Variants in C1GALT1 observed in about 807,000 individuals in gnomAD.
The protein encoded by C1GALT1 is core 1 synthase, glycoprotein-N-acetylgalactosamine 3-beta-galactosyltransferase 1, also known as glycoprotein-N-acetylgalactosamine 3-beta-galactosyltransferase 1.
C1GALT1 carries 11 observed loss-of-function variants against 31.0 expected under a neutral mutation model. The ratio of observed to expected loss-of-function variants is 0.36; its 90% CI spans 0.22 to 0.59. The LOEUF (loss-of-function observed/expected upper bound fraction) is 0.59, where lower values mean the gene tolerates loss of function less well. C1GALT1 is among the 20% of genes least tolerant of loss of function. The probability of loss-of-function intolerance (pLI) is 0.79; values close to 1 mark genes in which losing one functional copy is unlikely to be tolerated. For synonymous variants in C1GALT1, 175 were observed against 143.6 expected, an observed-to-expected ratio of 1.22 and a Z score of -1.56; for missense variants, 424 against 425.2, an observed-to-expected ratio of 1.00 and a Z score of 0.03.
intron 2 of C1GALT1, among the ~76,000 whole-genome samples, chr7:7,167,568 G>C (rs1360789805): frequency 6.6e-6 from 1 of 151,854 alleles, no homozygotes; most frequent in Admixed American, 6.6e-5. Context: ...ATGGAATTAT[G>C]TAAGTTTTTT....
At chr7:7,200,102 T>G (rs1583767380) in intron 1 of C1GALT1, among the ~76,000 whole-genome samples, 2 of 152,338 alleles carry the variant, frequency 1.3e-5, no homozygotes, top group East Asian at 3.9e-4. Flanking sequence ...GCTGGTTATT[T>G]TGCTCGTTAG....
intron 1 of C1GALT1, among the ~76,000 whole-genome samples, chr7:7,208,272 A>G (rs1029330912): frequency 1.3e-5 from 2 of 152,204 alleles, no homozygotes; most frequent in Admixed American, 6.5e-5. Flanking sequence ...GGGCACAAGA[A>G]TAGTGATGAT....
intron 1 of C1GALT1, among the ~76,000 whole-genome samples, chr7:7,203,766 T>C (rs1337864098): frequency 1.3e-5 from 2 of 152,108 alleles, no homozygotes; most frequent in Non-Finnish European, 2.9e-5. Flanking sequence ...GTACATATAA[T>C]GTATCAGGGT....
Position 7,226,099 on chromosome 7 carries a change from A to G in C1GALT1, c.-17-8204A>G, listed in dbSNP as rs571142038. 1.1e-4 allele frequency among the ~76,000 whole-genome samples: 16 copies of G among 152,318 alleles called. No homozygotes were observed. The South Asian group carries it at 3.3e-3, about 32-fold the overall frequency. ...ATCGAGTTTTCAGGTTGCTGTGAGCATCAGAAAAAAACATAAAAATTTCTA... is the reference window on the plus strand; with the variant it reads ...ATCGAGTTTTCAGGTTGCTGTGAGCGTCAGAAAAAAACATAAAAATTTCTA... On this transcript the variant is annotated intron_variant, in intron 1 of 3. Transcript: ENST00000436587.
chr7:7,197,307 C>T (rs1360556292), intron 1 of C1GALT1, among the ~76,000 whole-genome samples: 2 of 152,158 alleles, frequency 1.3e-5, no homozygotes, highest in African/African-American at 2.4e-5. Flanking sequence ...GAATCCTTTC[C>T]CCATTGCTTG....
intron 1 of C1GALT1, among the ~76,000 whole-genome samples, chr7:7,215,992 A>G (rs961926360): frequency 4.6e-5 from 7 of 151,096 alleles, no homozygotes; most frequent in African/African-American, 1.7e-4. Flanking sequence ...TTTTTTTTTT[A>G]ATTTTGGGGA....
At chr7:7,210,869 A>C (rs1271424382) in intron 1 of C1GALT1, among the ~76,000 whole-genome samples, 2 of 152,212 alleles carry the variant, frequency 1.3e-5, no homozygotes, top group Non-Finnish European at 2.9e-5. Context: ...TGGCTTTACA[A>C]GAAACTTTTC....
chr7:7,160,859 T>G (rs1404268837), intron 2 of C1GALT1, among the ~76,000 whole-genome samples: 1 of 152,026 alleles, frequency 6.6e-6, no homozygotes, highest in East Asian at 1.9e-4. Flanking sequence ...TCAAGAGGAC[T>G]TGGAACTATA....
chr7:7,173,692 A>T (rs528646530), intron 2 of C1GALT1, among the ~76,000 whole-genome samples: 53 of 152,282 alleles, frequency 3.5e-4, no homozygotes, highest in African/African-American at 1.2e-3. Flanking sequence ...ACTTAAGCTC[A>T]GGAGTTGAAG....
At chr7:7,157,847 C>G (rs374627174) in intron 2 of C1GALT1, among the ~76,000 whole-genome samples, 3 of 152,136 alleles carry the variant, frequency 2.0e-5, no homozygotes, top group African/African-American at 7.2e-5. Context: ...AATGAGATCT[C>G]TTTTCCTTTA....
intron 1 of C1GALT1, among the ~76,000 whole-genome samples, chr7:7,194,123 G>T (rs949028887): frequency 6.6e-6 from 1 of 152,032 alleles, no homozygotes; most frequent in African/African-American, 2.4e-5. Context: ...TCAGCAAACA[G>T]CAACAGTTCG....
chr7:7,200,380 C>T (rs1179465727), intron 1 of C1GALT1, among the ~76,000 whole-genome samples: 1 of 152,200 alleles, frequency 6.6e-6, no homozygotes, highest in Non-Finnish European at 1.5e-5. Flanking sequence ...TCACTCTCTT[C>T]TGGCTTGTAG....
At position 7,225,927 on chromosome 7, in the gene C1GALT1, G is replaced by GA. The variant is rs532418586; in HGVS notation, c.-17-8375dup. ...AAAGTTAATAGACAGCTATAGGTGC[G>GA]AGAGTGGTGTGTGGAAAAACTAGTG... On this transcript the variant is annotated intron_variant, in intron 1 of 3. Transcript: ENST00000436587. 1.1e-3 allele frequency among the ~76,000 whole-genome samples: 173 copies of GA among 152,280 alleles called. 2 individuals are homozygous for GA. The South Asian group carries it at 0.023, about 20-fold the overall frequency.
In C1GALT1 at chr7:7,217,678, T is replaced by C. The variant is rs6463660; in HGVS notation, c.-17-16625T>C. ...AACAGAAGCAGTTCTTTTGTTTTTA[T>C]GTATTTCCTTAAAGAAGCAAAGTCT... On this transcript the variant is annotated intron_variant, in intron 1 of 3. Transcript: ENST00000436587. 6.3e-3 allele frequency among the ~76,000 whole-genome samples: 953 copies of C among 152,358 alleles called. 12 individuals are homozygous for C. Among genetic ancestry groups the C allele is most frequent in the African/African-American group, 0.021 (889 of 41,576 alleles).
At chr7:7,227,442 C>T (rs1471801661) in intron 1 of C1GALT1, among the ~76,000 whole-genome samples, 1 of 152,116 alleles carries the variant, frequency 6.6e-6, no homozygotes, top group African/African-American at 2.4e-5. Context: ...AAGGGAAGGC[C>T]GGGCGCGGTG....
intron 1 of C1GALT1, among the ~76,000 whole-genome samples, chr7:7,201,216 T>A (rs1781517332): frequency 6.6e-6 from 1 of 152,212 alleles, no homozygotes; most frequent in Non-Finnish European, 1.5e-5. Context: ...TTGGTTTTCC[T>A]TCTAACAGTC....
In C1GALT1 at chr7:7,243,942, A is replaced by T; in HGVS notation, c.*215A>T. 1 of 315,912 alleles carries T rather than the reference A, an allele frequency of 3.2e-6. No individual in the cohort carries two copies. 19.6% of individuals were successfully genotyped at this position (315,912 alleles called of 1,614,324 possible). On this transcript the variant is annotated 3_prime_UTR_variant, in exon 4 of 4. Coordinates refer to ENST00000436587, the MANE Select transcript of C1GALT1 (RefSeq NM_020156.5). ...GATACAGTAATATATAAATATGTCT[A>T]TATATATGAGGAACTTGTGTTTTTT...
chr7:7,242,210 CTTT>C lies in C1GALT1; in HGVS notation c.889-1298_889-1296del, dbSNP rs79025784. 4.4e-3 allele frequency among the ~76,000 whole-genome samples: 585 copies of C among 132,314 alleles called. 8 individuals are homozygous for C. Among genetic ancestry groups the C allele is most frequent in the Non-Finnish European group, 2.2e-3 (131 of 60,356 alleles). 86.8% of individuals were successfully genotyped at this position (132,314 alleles called of 152,430 possible). ...TTCAGTTAAATAAAATGAAATTTCA[CTTT>C]TTTTTTTTTTTTTTTACATTTTTTA... On this transcript the variant is annotated intron_variant, in intron 3 of 3. Coordinates refer to ENST00000436587, the MANE Select transcript of C1GALT1 (RefSeq NM_020156.5).
At chr7:7,166,721 C>A (rs544141865) in intron 2 of C1GALT1, among the ~76,000 whole-genome samples, 1 of 152,278 alleles carries the variant, frequency 6.6e-6, no homozygotes, top group South Asian at 2.1e-4. Context: ...TCTAAGACTA[C>A]ATTTTTTAAA....
Sources: allele counts gnomAD v4.1 joint callset (sites outside exome capture counted in the v4.1 genomes callset), GRCh38; gene constraint gnomAD v4.1.1; transcripts MANE v1.5; gene names NCBI Gene and HGNC (gene_info 2026-07-23, HGNC 2026-07-21).